The following TJP1 variants were observed in gnomAD, a reference collection of about 807,000 sequenced individuals.
The protein encoded by TJP1 is tight junction protein 1.
In TJP1, 43 loss-of-function variants were observed where a neutral mutation model predicts 194.2. The ratio of observed to expected loss-of-function variants is 0.22; its 90% CI spans 0.17 to 0.29. TJP1 has a LOEUF of 0.29. TJP1 is among the 10% of genes least tolerant of loss of function. The probability of loss-of-function intolerance (pLI) is 1.00; values close to 1 mark genes in which losing one functional copy is unlikely to be tolerated. For synonymous variants in TJP1, 801 were observed against 779.0 expected, an observed-to-expected ratio of 1.03 and a Z score of -0.47; for missense variants, 1,971 against 2,185.7, an observed-to-expected ratio of 0.90 and a Z score of 1.96.
rs781561215 is a variant in TJP1 at position 29,761,277 on chromosome 15, T to C, written c.872A>G (p.Glu291Gly). 12 of 1,613,778 alleles carry C rather than the reference T, an allele frequency of 7.4e-6. No individual in the cohort carries two copies. In the Admixed American group the frequency reaches 8.3e-5, roughly 11 times the overall value. The change falls in exon 8 of 28, where the codon GAA becomes GGA. Residue 291 changes from glutamate to glycine, a missense_variant. Coordinates refer to ENST00000614355, the MANE Select transcript of TJP1 (RefSeq NM_001330239.4). ...ANASERDDIS[E>G]IQSLASDHSG... ...ATGATCTGATGCCAGTGACTGAATTTCTGAAATGTCTGTTAATAAAAGGGT... is the reference window on the plus strand; with the variant it reads ...ATGATCTGATGCCAGTGACTGAATTCCTGAAATGTCTGTTAATAAAAGGGT...
intron 18 of TJP1, among the ~76,000 whole-genome samples, chr15:29,725,437 T>C (rs1039401720): frequency 6.6e-6 from 1 of 151,900 alleles, no homozygotes; most frequent in Non-Finnish European, 1.5e-5. Context: ...CAGAGGAAGG[T>C]AGGGACCATG....
chr15:29,783,040 G>A (rs1176378455), intron 2 of TJP1, among the ~76,000 whole-genome samples: 3 of 152,148 alleles, frequency 2.0e-5, no homozygotes, highest in Non-Finnish European at 4.4e-5. Flanking sequence ...TTGGGAGGCT[G>A]AGGCTGGTGG....
At position 29,708,746 on chromosome 15, in the gene TJP1, T is replaced by G; in HGVS notation, c.4663A>C (p.Ser1555Arg). ...SPKFNHNLLP[S>R]ETAHKPDLSS... ...AAGTCAGGTTTATGTGCAGTTTCACTTGGCAGAAGATTGTGATTGAATTTA... is the reference window on the plus strand; with the variant it reads ...AAGTCAGGTTTATGTGCAGTTTCACGTGGCAGAAGATTGTGATTGAATTTA... Residue 1555 changes from serine (S) to arginine (R), a missense_variant, in exon 25 of 28, where the codon AGT (serine) becomes CGT (arginine). Physicochemically the swap from Ser to Arg is moderately radical, Grantham distance 110. Coordinates refer to ENST00000614355, the MANE Select transcript of TJP1 (RefSeq NM_001330239.4). 1.2e-6 allele frequency: 2 copies of G among 1,614,240 alleles called. No homozygotes were observed. Among genetic ancestry groups the G allele is most frequent in the Non-Finnish European group, 1.7e-6 (2 of 1,180,044 alleles).
intron 2 of TJP1, among the ~76,000 whole-genome samples, chr15:29,842,889 G>T (rs2051274542): frequency 6.6e-6 from 1 of 152,160 alleles, no homozygotes; most frequent in African/African-American, 2.4e-5. Context: ...AAGCAAAGTT[G>T]CATAATGGTC....
chr15:29,824,491 T>C (rs2050619511), upstream of TJP1, among the ~76,000 whole-genome samples: 1 of 150,924 alleles, frequency 6.6e-6, no homozygotes, highest in Non-Finnish European at 1.5e-5. Context: ...CCCAGCACTT[T>C]GGGAGGCCAA....
chr15:29,770,489 G>A (rs548214098), intron 4 of TJP1, among the ~76,000 whole-genome samples: 1 of 151,088 alleles, frequency 6.6e-6, no homozygotes, highest in Non-Finnish European at 1.5e-5. Flanking sequence ...GGCGGATCAC[G>A]AGACAGCCTC....
intron 2 of TJP1, among the ~76,000 whole-genome samples, chr15:29,850,169 C>T (rs2051585583): frequency 6.6e-6 from 1 of 152,142 alleles, no homozygotes; most frequent in African/African-American, 2.4e-5. Context: ...AACTCAAAAA[C>T]GTATGACACT....
chr15:29,795,426 A>AG (rs1010850571), intron 2 of TJP1, among the ~76,000 whole-genome samples: 19 of 151,834 alleles, frequency 1.3e-4, no homozygotes, highest in Non-Finnish European at 2.1e-4. Flanking sequence ...CAAAAAAAAA[A>AG]AAAAAGACTA....
At position 29,741,383 on chromosome 15, in the gene TJP1, T is replaced by C; in HGVS notation, c.1204A>G (p.Ser402Gly). Reference sequence around the variant, plus strand: ...TTAGGTAGGACACCATCAGATGGACTGACAGGTAAATCCACATCTGGTTGC... The same window carrying C: ...TTAGGTAGGACACCATCAGATGGACCGACAGGTAAATCCACATCTGGTTGC... The part of the protein sequence containing the change: ...VGQPDVDLPV[S>G]PSDGVLPNST... The change falls in exon 10 of 28, where the codon AGT becomes GGT. Residue 402 changes from serine (S) to glycine (G), a missense_variant. Ser to Gly is a moderately conservative substitution (Grantham distance 56). Around this residue, in one of 5 missense-constraint regions of TJP1, gnomAD observed 192 missense variants for 182.3 expected, o/e 1.05. Transcript: ENST00000614355. 6.2e-7 allele frequency: 1 copy of C among 1,600,844 alleles called. No individual in the cohort carries two copies. Among genetic ancestry groups the C allele is most frequent in the Non-Finnish European group, 8.5e-7 (1 of 1,176,516 alleles).
chr15:29,720,706 C>A lies in TJP1; in HGVS notation c.2415G>T (p.Ala805=), dbSNP rs147136553. 1 of 1,581,096 alleles carries A rather than the reference C, an allele frequency of 6.3e-7. No individual in the cohort carries two copies. Among genetic ancestry groups the A allele is most frequent in the Admixed American group, 1.8e-5 (1 of 54,658 alleles). ...CAAGGTCATCACTTGTAGCACCATC[C>A]GCCTGGGTCAAATAAAAGTAAATTA... ...NQLVWVSEGK[A]DGATSDDLDL... is the part of the protein sequence containing the mutation. The change falls in exon 19 of 28, where the codon GCG becomes GCT. Residue 805 remains alanine, a splice_region_variant and synonymous_variant. Coordinates refer to ENST00000614355, the MANE Select transcript of TJP1 (RefSeq NM_001330239.4).
At chr15:29,916,813 T>C in intron 2 of TJP1, among the ~76,000 whole-genome samples, 1 of 152,356 alleles carries the variant, frequency 6.6e-6, no homozygotes, top group Middle Eastern at 3.4e-3. Context: ...TTTTAGTATG[T>C]CATTATACAG....
At chr15:29,797,675 A>T (rs2048504421) in intron 2 of TJP1, among the ~76,000 whole-genome samples, 1 of 152,176 alleles carries the variant, frequency 6.6e-6, no homozygotes. Flanking sequence ...GAAAGGAAAA[A>T]AATATTTGCA....
Position 29,776,094 on chromosome 15 carries a change from C to A in TJP1, c.85-2737G>T, listed in dbSNP as rs560686595. Among the ~76,000 whole-genome samples, 359 of 152,172 alleles carry A rather than the reference C, an allele frequency of 2.4e-3. 2 individuals are homozygous for A. The highest frequency in any genetic ancestry group is 3.9e-3 in the Non-Finnish European group (266 of 67,988). ...GATGACTGTCCATGATAATGACTAA[C>A]CCCCCAATATTACAGCTCAACATAA... On this transcript the variant is annotated intron_variant, in intron 2 of 27. Transcript: ENST00000614355.
At chr15:29,961,443 G>T (rs1224688869) in intron 1 of TJP1, among the ~76,000 whole-genome samples, 1 of 146,828 alleles carries the variant, frequency 6.8e-6, no homozygotes, top group Non-Finnish European at 1.5e-5. Context: ...CCGCTTCCCG[G>T]GTTCACGCCA....
chr15:29,813,277 A>G (rs1173240217), intron 1 of TJP1, among the ~76,000 whole-genome samples: 2 of 152,216 alleles, frequency 1.3e-5, no homozygotes, highest in Non-Finnish European at 2.9e-5. Flanking sequence ...AGATAATCAT[A>G]GGAACACCAA....
intron 1 of TJP1, among the ~76,000 whole-genome samples, chr15:29,807,973 A>C (rs1289169490): frequency 6.6e-6 from 1 of 152,130 alleles, no homozygotes; most frequent in Non-Finnish European, 1.5e-5. Context: ...CGAAACAAAA[A>C]ATGGGCAAAA....
intron 2 of TJP1, among the ~76,000 whole-genome samples, chr15:29,838,992 C>CTTTTTTTTTT (rs760557407): frequency 4.8e-5 from 4 of 83,444 alleles, no homozygotes; most frequent in African/African-American, 1.0e-4. Context: ...AAAAATTCAC[C>CTTTTTTTTTT]TTTTTTTTTT....
At chr15:29,793,984 A>G (rs2048253655) in intron 2 of TJP1, among the ~76,000 whole-genome samples, 1 of 152,144 alleles carries the variant, frequency 6.6e-6, no homozygotes, top group Non-Finnish European at 1.5e-5. Context: ...GTACCAGGGA[A>G]ATACTGGCCC....
Position 29,761,169 on chromosome 15 carries a change from C to G in TJP1, c.980G>C (p.Arg327Thr). 6.2e-7 allele frequency: 1 copy of G among 1,612,474 alleles called. No individual in the cohort carries two copies. The highest frequency in any genetic ancestry group is 1.3e-5 in the African/African-American group (1 of 74,944). ...DQRSEPSDHSRHSPQQPSNGS... is the reference protein window; with the variant it reads ...DQRSEPSDHSTHSPQQPSNGS... Reference sequence around the variant, plus strand: ...ATTGCTTGGCTGCTGCGGCGAGTGCCTGGAATGATCAGAAGGCTCTGACCG... The same window carrying G: ...ATTGCTTGGCTGCTGCGGCGAGTGCGTGGAATGATCAGAAGGCTCTGACCG... The change falls in exon 8 of 28, where the codon AGG becomes ACG. Residue 327 changes from arginine to threonine, a missense_variant. Transcript: ENST00000614355.
Sources: allele counts gnomAD v4.1 joint callset (sites outside exome capture counted in the v4.1 genomes callset), GRCh38; gene constraint gnomAD v4.1.1; regional missense constraint gnomAD v4.1.1; transcripts MANE v1.5; gene names NCBI Gene and HGNC (gene_info 2026-07-23, HGNC 2026-07-21).